The following PLA2G15 variants were observed in gnomAD, a reference collection of about 807,000 sequenced individuals.
The protein encoded by PLA2G15 is phospholipase A2 group XV, also known as lysosomal phospholipase A and acyltransferase.
Under a neutral mutation model 40.9 loss-of-function variants are expected in PLA2G15, and 20 were observed. That is an observed-to-expected ratio of 0.49 (90% CI 0.34 to 0.71). The LOEUF is 0.71. Ranked by LOEUF, PLA2G15 falls within the 30% of genes least tolerant of loss-of-function variation. The pLI is 0.01. For synonymous variants in PLA2G15, 223 were observed against 228.2 expected (o/e 0.98, Z 0.21); for missense variants, 471 against 541.9 (o/e 0.87, Z 1.30).
At chr16:68,258,091 CT>C (rs1312305819) in intron 5 of PLA2G15, among the ~76,000 whole-genome samples, 1 of 152,158 alleles carries the variant, frequency 6.6e-6, no homozygotes, top group Non-Finnish European at 1.5e-5. Context: ...CCAGAGGCCC[CT>C]GTTCCCAAGT....
At position 68,259,541 on chromosome 16, in the gene PLA2G15, C is replaced by T; in HGVS notation, c.1123C>T (p.Gln375Ter). The change falls in exon 6 of 6, where the codon CAG becomes TAG. Residue 375 changes from glutamine (Q) to a stop codon, truncating the protein, a stop_gained. Transcript: ENST00000219345. LOFTEE classifies it high-confidence loss of function. This position sits in a 1 kb window ranked among gnomAD's most constrained non-coding sequence, Gnocchi z 6.5. ...LKSALQCQAWQSRQEHQVLLQ... is the reference protein window; with the variant it reads ...LKSALQCQAW ...GAGTGCCCTGCAGTGCCAGGCCTGGCAGAGCCGCCAGGAGCACCAAGTGTT... is the reference window on the plus strand; with the variant it reads ...GAGTGCCCTGCAGTGCCAGGCCTGGTAGAGCCGCCAGGAGCACCAAGTGTT... 1 of 1,613,260 alleles carries T rather than the reference C, an allele frequency of 6.2e-7. No homozygotes were observed. Among genetic ancestry groups the T allele is most frequent in the East Asian group, 2.2e-5 (1 of 44,884 alleles).
chr16:68,248,440 C>T (rs1246822644), intron 1 of PLA2G15: 1 of 153,306 alleles, frequency 6.5e-6, no homozygotes, highest in Non-Finnish European at 1.5e-5. Flanking sequence ...GGCTGGAGGG[C>T]AATGGCACGA....
At position 68,259,403 on chromosome 16, in the gene PLA2G15, C is replaced by T. The variant is rs774845914; in HGVS notation, c.985C>T (p.His329Tyr). Reference sequence around the variant, plus strand: ...CACGATGCCACCTGGCGTGCAGCTGCACTGCCTCTATGGTACTGGCGTCCC... The same window carrying T: ...CACGATGCCACCTGGCGTGCAGCTGTACTGCCTCTATGGTACTGGCGTCCC... ...EATMPPGVQLHCLYGTGVPTP... is the reference protein window; with the variant it reads ...EATMPPGVQLYCLYGTGVPTP... The change falls in exon 6 of 6, where the codon CAC becomes TAC. Residue 329 changes from histidine (H) to tyrosine (Y), a missense_variant. Physicochemically the swap from His to Tyr is moderately conservative, Grantham distance 83 (BLOSUM62 2). Coordinates refer to ENST00000219345, the MANE Select transcript of PLA2G15 (RefSeq NM_012320.4). This position sits in a 1 kb window ranked among gnomAD's most constrained non-coding sequence, Gnocchi z 6.5. The T allele has an allele frequency of 1.1e-5, 18 of 1,614,054 alleles. No homozygotes were observed. The highest frequency in any genetic ancestry group is 1.5e-5 in the Non-Finnish European group (18 of 1,180,048).
intron 1 of PLA2G15, 135 bp downstream of exon 1, chr16:68,245,688 C>G: frequency 1.9e-6 from 2 of 1,042,456 alleles, no homozygotes; most frequent in Non-Finnish European, 2.8e-6. Flanking sequence ...CTTAGGTGAT[C>G]TAGATCTGCC....
In PLA2G15 at chr16:68,246,574, A is replaced by G. The variant is rs141246987; in HGVS notation, c.127+1021A>G. Among the ~76,000 whole-genome samples the G allele has an allele frequency of 1.7e-3, 261 of 152,246 alleles. 1 individual carries two copies. In the South Asian group the frequency reaches 0.017, roughly 10 times the overall value. On this transcript the variant is annotated intron_variant, in intron 1 of 5. Coordinates refer to ENST00000219345, the MANE Select transcript of PLA2G15 (RefSeq NM_012320.4). ...CCCACCAGGAGTTCCCAGCCAGGAA[A>G]AGCTCCAGGGGGATACTAGGCCCAG...
At chr16:68,257,623 A>G (rs986248622) in intron 5 of PLA2G15, among the ~76,000 whole-genome samples, 1 of 152,190 alleles carries the variant, frequency 6.6e-6, no homozygotes, top group African/African-American at 2.4e-5. Flanking sequence ...TGTGCCAAGC[A>G]TCTCATGAGC....
chr16:68,255,318 G>A lies in PLA2G15; in HGVS notation c.440G>A (p.Gly147Asp), dbSNP rs970104345. Reference sequence around the variant, plus strand: ...CACACCATGGTGGAGAGCCTTGTGGGCTGGGGCTACACACGGGGTGAGGAT... The same window carrying A: ...CACACCATGGTGGAGAGCCTTGTGGACTGGGGCTACACACGGGGTGAGGAT... ...YFHTMVESLVGWGYTRGEDVR... is the reference protein window; with the variant it reads ...YFHTMVESLVDWGYTRGEDVR... The change falls in exon 4 of 6, where the codon GGC (glycine) becomes GAC (aspartate). Residue 147 changes from glycine to aspartate, a missense_variant. By Grantham distance (94) the Gly-to-Asp change is moderately conservative. Transcript: ENST00000219345. The surrounding 1 kb of genome is among the most constrained non-coding windows in gnomAD (Gnocchi z 5.9). 2 of 1,614,016 alleles carry A rather than the reference G, an allele frequency of 1.2e-6. No homozygotes were observed. The highest frequency in any genetic ancestry group is 1.7e-6 in the Non-Finnish European group (2 of 1,179,918).
Position 68,245,381 on chromosome 16 carries a change from A to G in PLA2G15, c.-46A>G, listed in dbSNP as rs1435622122. The G allele has an allele frequency of 5.7e-6, 9 of 1,591,068 alleles. No individual in the cohort carries two copies. The highest frequency in any genetic ancestry group is 7.7e-6 in the Non-Finnish European group (9 of 1,173,354). On this transcript the variant is annotated 5_prime_UTR_variant, in exon 1 of 6. Transcript: ENST00000219345. ...ACCGCCCCCGCCTAGGCGAGAGCCC[A>G]GAGAGCTGAACCTGCATCCCGGACC...
At position 68,256,951 on chromosome 16, in the gene PLA2G15, G is replaced by T. The variant is rs114064278; in HGVS notation, c.727+961G>T. 5.2e-3 allele frequency among the ~76,000 whole-genome samples: 771 copies of T among 147,198 alleles called. 8 individuals carry two copies. Among genetic ancestry groups the T allele is most frequent in the African/African-American group, 0.018 (703 of 39,792 alleles). ...GGTTGGAGTGCAGTAGCGTGATTTTGGTTCATGCAACCTCCACCTTCCAGG... is the reference window on the plus strand; with the variant it reads ...GGTTGGAGTGCAGTAGCGTGATTTTTGTTCATGCAACCTCCACCTTCCAGG... On this transcript the variant is annotated intron_variant, in intron 5 of 5. Coordinates refer to ENST00000219345, the MANE Select transcript of PLA2G15 (RefSeq NM_012320.4).
At chr16:68,245,998 G>A (rs2042305844) in intron 1 of PLA2G15, among the ~76,000 whole-genome samples, 1 of 151,946 alleles carries the variant, frequency 6.6e-6, no homozygotes, top group Non-Finnish European at 1.5e-5. Flanking sequence ...ATGCCAGAAG[G>A]CATTGCTGAA....
rs1182609347 is a variant in PLA2G15, at chr16:68,249,282, C to T, written c.128-8C>T. 1 of 1,613,860 alleles carries T rather than the reference C, an allele frequency of 6.2e-7. No homozygotes were observed. The highest frequency in any genetic ancestry group is 1.7e-5 in the Admixed American group (1 of 60,004). ...TGAGGGCTCACACATGTCCTGTGCC[C>T]CCTGCAGTCCCTGGTGATTTGGGTA... is the stretch of plus-strand genomic sequence containing the variant. On this transcript the variant is annotated splice_region_variant and splice_polypyrimidine_tract_variant and intron_variant, in intron 1 of 5. Coordinates refer to ENST00000219345, the MANE Select transcript of PLA2G15 (RefSeq NM_012320.4).
At chr16:68,245,687 T>C in intron 1 of PLA2G15, 134 bp downstream of exon 1, 1 of 1,058,756 alleles carries the variant, frequency 9.4e-7, no homozygotes, top group Non-Finnish European at 1.4e-6. Flanking sequence ...ACTTAGGTGA[T>C]CTAGATCTGC....
Position 68,255,285 on chromosome 16 carries a change from C to T in PLA2G15, c.407C>T (p.Ser136Phe). ...FLDPSKSSVGSYFHTMVESLV... is the reference protein window; with the variant it reads ...FLDPSKSSVGFYFHTMVESLV... ...TCCTCTGTATTTCTGTCTACAGGTT[C>T]CTATTTCCACACCATGGTGGAGAGC... Residue 136 changes from serine to phenylalanine, a missense_variant, in exon 4 of 6, where the codon TCC becomes TTC. Ser to Phe is a radical substitution (Grantham distance 155). Transcript: ENST00000219345. The surrounding 1 kb of genome is among the most constrained non-coding windows in gnomAD (Gnocchi z 5.9). 6.2e-7 allele frequency: 1 copy of T among 1,610,856 alleles called. No individual in the cohort carries two copies. The highest frequency in any genetic ancestry group is 8.5e-7 in the Non-Finnish European group (1 of 1,177,180).
Position 68,255,907 on chromosome 16 carries a change from G to A in PLA2G15, c.644G>A (p.Trp215Ter), listed in dbSNP as rs1253326804. Residue 215 changes from tryptophan to a stop codon, truncating the protein, a stop_gained, in exon 5 of 6, where the codon TGG becomes TAG. Coordinates refer to ENST00000219345, the MANE Select transcript of PLA2G15 (RefSeq NM_012320.4). LOFTEE classifies it high-confidence loss of function. This position sits in a 1 kb window ranked among gnomAD's most constrained non-coding sequence, Gnocchi z 5.9. Reference protein sequence around the residue: ...LYFLQRQPQAWKDKYIRAFVS... With the variant: ...LYFLQRQPQA ...TTTCTGCAGCGGCAGCCGCAGGCCT[G>A]GAAGGACAAGTATATCCGGGCCTTC... The A allele has an allele frequency of 1.9e-6, 3 of 1,613,712 alleles. No individual in the cohort carries two copies. Among genetic ancestry groups the A allele is most frequent in the Non-Finnish European group, 2.5e-6 (3 of 1,179,994 alleles).
chr16:68,256,227 C>A, intron 5 of PLA2G15: 1 of 480,220 alleles, frequency 2.1e-6, no homozygotes, highest in Non-Finnish European at 3.7e-6. Context: ...CAGGTGGGGG[C>A]AAGACAAGAT....
chr16:68,255,677 C>G lies in PLA2G15; in HGVS notation c.503-89C>G, dbSNP rs746834157. The G allele has an allele frequency of 7.3e-6, 8 of 1,102,914 alleles. No individual in the cohort carries two copies. Among genetic ancestry groups the G allele is most frequent in the Admixed American group, 3.6e-5 (2 of 56,272 alleles). The allele number at this position is 1,102,914 out of a possible 1,614,324, so 68.3% of individuals were successfully genotyped here. On this transcript the variant is annotated intron_variant, in intron 4 of 5. Coordinates refer to ENST00000219345, the MANE Select transcript of PLA2G15 (RefSeq NM_012320.4). The surrounding 1 kb of genome is among the most constrained non-coding windows in gnomAD (Gnocchi z 5.9). Reference sequence around the variant, plus strand: ...TGAATGTGAGCACCCTCCCCTCCCCCTCTCGTCTTGTGTCTGGCCTGAGAA... The same window carrying G: ...TGAATGTGAGCACCCTCCCCTCCCCGTCTCGTCTTGTGTCTGGCCTGAGAA...
At position 68,245,400 on chromosome 16, in the gene PLA2G15, C is replaced by T; in HGVS notation, c.-27C>T. On this transcript the variant is annotated 5_prime_UTR_variant, in exon 1 of 6. Coordinates refer to ENST00000219345, the MANE Select transcript of PLA2G15 (RefSeq NM_012320.4). ...GAGCCCAGAGAGCTGAACCTGCATC[C>T]CGGACCTGCGGCGACCGTCGTACAC... 6.3e-7 allele frequency: 1 copy of T among 1,599,104 alleles called. No individual in the cohort carries two copies. Among genetic ancestry groups the T allele is most frequent in the Non-Finnish European group, 8.5e-7 (1 of 1,178,056 alleles).
At position 68,259,730 on chromosome 16, in the gene PLA2G15, C is replaced by G; in HGVS notation, c.*73C>G. ...GCCTCTGGGGCTGTCATGGCCCACG[C>G]GTTTTGCAAAGTTTGTGACTCACCA... is the stretch of plus-strand genomic sequence containing the variant. On this transcript the variant is annotated 3_prime_UTR_variant, in exon 6 of 6. Coordinates refer to ENST00000219345, the MANE Select transcript of PLA2G15 (RefSeq NM_012320.4). The surrounding 1 kb of genome is among the most constrained non-coding windows in gnomAD (Gnocchi z 6.5). 1 of 1,460,824 alleles carries G rather than the reference C, an allele frequency of 6.8e-7. No individual in the cohort carries two copies. The highest frequency in any genetic ancestry group is 1.3e-5 in the South Asian group (1 of 78,278). The allele number at this position is 1,460,824 out of a possible 1,614,324, so 90.5% of individuals were successfully genotyped here.
At chr16:68,250,196 T>TTTTGAA in intron 2 of PLA2G15, 1 of 223,670 alleles carries the variant, frequency 4.5e-6, no homozygotes, top group Non-Finnish European at 9.2e-6. Flanking sequence ...TTTTTTTTTT[T>TTTTGAA]GGAGACGGAG....
Sources: allele counts gnomAD v4.1 joint callset (sites outside exome capture counted in the v4.1 genomes callset), GRCh38; gene constraint gnomAD v4.1.1; non-coding constraint Gnocchi (gnomAD v3.1); transcripts MANE v1.5; gene names NCBI Gene and HGNC (gene_info 2026-07-23, HGNC 2026-07-21).